AUTS2: variants seen among roughly 807,000 people sequenced by gnomAD.
The protein encoded by AUTS2 is activator of transcription and developmental regulator AUTS2.
In AUTS2, 17 loss-of-function variants were observed where a neutral mutation model predicts 112.4. That is an observed-to-expected ratio of 0.15 (90% CI 0.10 to 0.23). The LOEUF (loss-of-function observed/expected upper bound fraction) is 0.23. Among genes scored for constraint, AUTS2 ranks in the 10% least tolerant of loss-of-function variants. The probability of loss-of-function intolerance (pLI) is 1.00; values close to 1 mark genes in which losing one functional copy is unlikely to be tolerated. For synonymous variants in AUTS2, 751 were observed against 702.7 expected (o/e 1.07, Z -1.09); for missense variants, 1,510 against 1,701.6 (o/e 0.89, Z 1.98).
At chr7:70,485,568 A>ATCCATGT (rs1797958839) in intron 5 of AUTS2, among the ~76,000 whole-genome samples, 1 of 152,146 alleles carries the variant, frequency 6.6e-6, no homozygotes, top group South Asian at 2.1e-4. Flanking sequence ...AATCACCACT[A>ATCCATGT]AAGTACTTAT....
chr7:70,621,421 C>G (rs1212150210), intron 5 of AUTS2, among the ~76,000 whole-genome samples: 1 of 152,196 alleles, frequency 6.6e-6, no homozygotes, highest in Non-Finnish European at 1.5e-5. Context: ...TTTTTAAATC[C>G]TCTCCTGAGT....
chr7:70,403,095 G>T (rs772656233), intron 4 of AUTS2, among the ~76,000 whole-genome samples: 2 of 152,138 alleles, frequency 1.3e-5, no homozygotes, highest in Non-Finnish European at 2.9e-5. Context: ...CTGGACACCA[G>T]GATTTTACGG....
At chr7:70,464,319 T>A (rs993384619) in intron 5 of AUTS2, among the ~76,000 whole-genome samples, 1 of 152,218 alleles carries the variant, frequency 6.6e-6, no homozygotes, top group Non-Finnish European at 1.5e-5. Context: ...GAGGAGGCAG[T>A]TATGAATGCA....
intron 1 of AUTS2, among the ~76,000 whole-genome samples, chr7:69,840,588 T>G (rs2129528545): frequency 6.6e-6 from 1 of 152,266 alleles, no homozygotes; most frequent in South Asian, 2.1e-4. Flanking sequence ...TTCAGACAAT[T>G]TGTGCATTCA....
intron 1 of AUTS2, among the ~76,000 whole-genome samples, chr7:69,723,171 G>A (rs1461883613): frequency 6.6e-6 from 1 of 151,950 alleles, no homozygotes; most frequent in Non-Finnish European, 1.5e-5. Flanking sequence ...AGCCAGTGTA[G>A]GACTCTCCCA....
intron 4 of AUTS2, among the ~76,000 whole-genome samples, chr7:70,182,274 T>C (rs1809359067): frequency 6.6e-6 from 1 of 152,236 alleles, no homozygotes. Context: ...CAGATGCCAG[T>C]GTCATTTCCC....
At chr7:70,666,477 G>C (rs1287344845) in intron 5 of AUTS2, among the ~76,000 whole-genome samples, 1 of 152,148 alleles carries the variant, frequency 6.6e-6, no homozygotes, top group Non-Finnish European at 1.5e-5. Flanking sequence ...ACTGGAAGAA[G>C]GCGACAGTTG....
At chr7:69,990,033 T>C (rs1261430077) in intron 2 of AUTS2, among the ~76,000 whole-genome samples, 2 of 152,156 alleles carry the variant, frequency 1.3e-5, no homozygotes, top group African/African-American at 4.8e-5. Flanking sequence ...AACCGGTGCC[T>C]GATGCCAAAA....
intron 6 of AUTS2, among the ~76,000 whole-genome samples, chr7:70,722,399 G>A (rs1030962048): frequency 6.6e-6 from 1 of 152,012 alleles, no homozygotes; most frequent in Non-Finnish European, 1.5e-5. Flanking sequence ...AGGGAGATGG[G>A]GAATATTTAG....
intron 4 of AUTS2, among the ~76,000 whole-genome samples, chr7:70,351,558 A>G (rs764807863): frequency 2.0e-5 from 3 of 152,080 alleles, no homozygotes; most frequent in South Asian, 2.1e-4. Context: ...GCTGTGTTGT[A>G]TGGTATTCTA....
chr7:70,147,503 C>T (rs1244985907), intron 4 of AUTS2, among the ~76,000 whole-genome samples: 1 of 152,038 alleles, frequency 6.6e-6, no homozygotes, highest in Non-Finnish European at 1.5e-5. Context: ...AACTTCCAGA[C>T]TTGTAAAATA....
At chr7:70,224,050 C>T (rs183570061) in intron 4 of AUTS2, among the ~76,000 whole-genome samples, 3 of 152,210 alleles carry the variant, frequency 2.0e-5, no homozygotes, top group East Asian at 3.9e-4. Flanking sequence ...TGCAGTGGCT[C>T]ACGCCTGTAA....
intron 5 of AUTS2, among the ~76,000 whole-genome samples, chr7:70,583,719 G>A (rs918247485): frequency 6.6e-6 from 1 of 152,178 alleles, no homozygotes; most frequent in African/African-American, 2.4e-5. Context: ...CGCACCGCAC[G>A]GCTCAGGCCT....
At chr7:70,526,867 A>G (rs1315049349) in intron 5 of AUTS2, among the ~76,000 whole-genome samples, 3 of 152,188 alleles carry the variant, frequency 2.0e-5, no homozygotes, top group African/African-American at 7.2e-5. Context: ...GAATGGTCTT[A>G]GTCACACTTG....
At chr7:70,091,362 C>A (rs1382189635) in intron 2 of AUTS2, among the ~76,000 whole-genome samples, 1 of 152,128 alleles carries the variant, frequency 6.6e-6, no homozygotes, top group Non-Finnish European at 1.5e-5. Context: ...TTATAGCTTT[C>A]ATCAAATTTA....
chr7:69,614,572 A>G (rs749285680), intron 1 of AUTS2, among the ~76,000 whole-genome samples: 2 of 151,182 alleles, frequency 1.3e-5, no homozygotes, highest in African/African-American at 2.4e-5. Context: ...GCATTCTCAA[A>G]CTCCTGGGCT....
rs1804192690 is a variant in AUTS2, at chr7:70,096,267, CT to C, written c.523-21864del. ...AATGTATTAGATCATCACATGTACC[CT>C]GAAACTATGCATATCAATTATGCAT... On this transcript the variant is annotated intron_variant, in intron 2 of 18. Coordinates refer to ENST00000342771, the MANE Select transcript of AUTS2 (RefSeq NM_015570.4). 1.3e-5 allele frequency among the ~76,000 whole-genome samples: 2 copies of C among 152,002 alleles called. 1 individual carries two copies. The highest frequency in any genetic ancestry group is 4.8e-5 in the African/African-American group (2 of 41,386).
intron 1 of AUTS2, among the ~76,000 whole-genome samples, chr7:69,631,605 A>G (rs1794248057): frequency 6.6e-6 from 1 of 152,178 alleles, no homozygotes; most frequent in South Asian, 2.1e-4. Context: ...CAAATTATGG[A>G]TAACAATTTT....
At chr7:70,719,184 GT>G (rs1810534538) in intron 6 of AUTS2, among the ~76,000 whole-genome samples, 1 of 152,130 alleles carries the variant, frequency 6.6e-6, no homozygotes, top group Admixed American at 6.5e-5. Flanking sequence ...TACACACCTA[GT>G]TACGTCCTCC....
Sources: allele counts gnomAD v4.1 joint callset (sites outside exome capture counted in the v4.1 genomes callset), GRCh38; gene constraint gnomAD v4.1.1; transcripts MANE v1.5; gene names NCBI Gene and HGNC (gene_info 2026-07-23, HGNC 2026-07-21).